The following ABCB5 variants were observed in gnomAD, a reference collection of about 807,000 sequenced individuals.
ABCB5 encodes the protein ATP binding cassette subfamily B member 5, also known as ATP-binding cassette sub-family B member 5.
ABCB5 carries 155 observed loss-of-function variants against 144.2 expected under a neutral mutation model. The observed-to-expected ratio is 1.08, with a 90% CI of 0.94 to 1.23. ABCB5 has a LOEUF of 1.23. Ranked by LOEUF, ABCB5 falls within the 50% of genes most tolerant of loss-of-function variation. The pLI, the probability that ABCB5 is intolerant of heterozygous loss-of-function variation, is 0.00. For synonymous variants in ABCB5, 610 were observed against 528.6 expected, an observed-to-expected ratio of 1.15 and a Z score of -2.11; for missense variants, 1,830 against 1,520.8, an observed-to-expected ratio of 1.20 and a Z score of -3.38.
chr7:20,752,776 G>A (rs1377813429), intron 26 of ABCB5, among the ~76,000 whole-genome samples: 3 of 152,192 alleles, frequency 2.0e-5, no homozygotes, highest in African/African-American at 7.2e-5. Context: ...AAGCCGGGAG[G>A]CGGAGGTTGC....
chr7:20,667,642 T>C, intron 14 of ABCB5: 1 of 820,964 alleles, frequency 1.2e-6, no homozygotes, highest in Non-Finnish European at 1.5e-6. Flanking sequence ...TTGAGATCTG[T>C]TTGCTTTTGG....
At chr7:20,660,342 T>TC in intron 14 of ABCB5, 1 of 985,400 alleles carries the variant, frequency 1.0e-6, no homozygotes, top group Non-Finnish European at 1.2e-6. Context: ...TCATTTACTG[T>TC]CCCTGTTTTT....
At chr7:20,705,150 A>G (rs114778961) in intron 20 of ABCB5, among the ~76,000 whole-genome samples, 367 of 152,370 alleles carry the variant, frequency 2.4e-3, no homozygotes, top group African/African-American at 8.3e-3. Context: ...GAGTTTTAAT[A>G]TAAGAAAAAG....
chr7:20,731,778 A>C (rs1442093806), intron 23 of ABCB5, among the ~76,000 whole-genome samples: 1 of 152,118 alleles, frequency 6.6e-6, no homozygotes, highest in Non-Finnish European at 1.5e-5. Context: ...GCCATTGTCC[A>C]CCACATAAAT....
intron 21 of ABCB5, among the ~76,000 whole-genome samples, chr7:20,725,113 C>T (rs1781994304): frequency 6.6e-6 from 1 of 152,162 alleles, no homozygotes; most frequent in Non-Finnish European, 1.5e-5. Flanking sequence ...TTAGAGCAAC[C>T]TCAGACTATA....
At chr7:20,631,539 T>C (rs558947491) in intron 4 of ABCB5, among the ~76,000 whole-genome samples, 94 of 152,304 alleles carry the variant, frequency 6.2e-4, no homozygotes, top group African/African-American at 2.2e-3. Context: ...TTTTTTCTAC[T>C]AGAAGATATA....
At chr7:20,704,888 T>C (rs1786768702) in intron 20 of ABCB5, 81 bp downstream of exon 20, 1 of 1,181,924 alleles carries the variant, frequency 8.5e-7, no homozygotes, top group Non-Finnish European at 1.2e-6. Context: ...TGTGCATATA[T>C]GTGAGCTGTG....
chr7:20,619,343 G>A (rs111262461), intron 1 of ABCB5, among the ~76,000 whole-genome samples: 3,504 of 152,182 alleles, frequency 0.023, 59 homozygotes, highest in Middle Eastern at 0.037. Context: ...AGCCTTGCCA[G>A]TATCTGTTAT....
At chr7:20,637,829 C>A (rs1008216776) in intron 5 of ABCB5, among the ~76,000 whole-genome samples, 3 of 152,172 alleles carry the variant, frequency 2.0e-5, no homozygotes, top group Non-Finnish European at 4.4e-5. Flanking sequence ...ACTAGACAGC[C>A]AACTCCGTGT....
At chr7:20,628,925 T>C (rs1020991090) in intron 4 of ABCB5, 87 bp downstream of exon 4, 114 of 1,430,284 alleles carry the variant, frequency 8.0e-5, no homozygotes, top group Admixed American at 1.4e-4. Context: ...AGGCAGATTA[T>C]TGTATTGTAA....
chr7:20,633,795 G>C (rs1234534366), intron 5 of ABCB5, among the ~76,000 whole-genome samples: 1 of 151,942 alleles, frequency 6.6e-6, no homozygotes, highest in East Asian at 1.9e-4. Flanking sequence ...CCAGTCTCTA[G>C]TATCCTCTGT....
chr7:20,699,789 C>T, intron 17 of ABCB5, 36 bp from the exon 18 acceptor site: 1 of 1,369,256 alleles, frequency 7.3e-7, no homozygotes, highest in Non-Finnish European at 1.0e-6. Context: ...TTTATATTTT[C>T]CCCCAAACAC....
chr7:20,669,318 G>A (rs1249787364), intron 14 of ABCB5, among the ~76,000 whole-genome samples: 5 of 147,574 alleles, frequency 3.4e-5, no homozygotes, highest in African/African-American at 7.7e-5. Flanking sequence ...TTGAGAAATC[G>A]GATGGTTGCC....
intron 19 of ABCB5, among the ~76,000 whole-genome samples, 163 bp from the exon 20 acceptor site, chr7:20,704,561 T>C (rs906854231): frequency 6.6e-6 from 1 of 152,088 alleles, no homozygotes; most frequent in African/African-American, 2.4e-5. Flanking sequence ...TAGATCTTCA[T>C]GAAAAAATAA....
At chr7:20,632,589 T>A (rs1693653265) in intron 5 of ABCB5, among the ~76,000 whole-genome samples, 1 of 152,018 alleles carries the variant, frequency 6.6e-6, no homozygotes. Flanking sequence ...CTATTCACAA[T>A]AGCAAAGACT....
intron 14 of ABCB5, chr7:20,659,336 C>G: frequency 7.3e-7 from 1 of 1,371,738 alleles, no homozygotes; most frequent in Non-Finnish European, 9.4e-7. Context: ...AGCCTTCAGA[C>G]CCCTTACAAG....
intron 20 of ABCB5, among the ~76,000 whole-genome samples, chr7:20,714,810 A>G (rs1482236801): frequency 6.6e-6 from 1 of 152,208 alleles, no homozygotes; most frequent in East Asian, 1.9e-4. Context: ...AAAAAACTCA[A>G]ATAGAGAAGC....
chr7:20,738,931 G>C lies in ABCB5; in HGVS notation c.2868-52G>C, dbSNP rs371991062. 1.6e-5 allele frequency: 24 copies of C among 1,515,894 alleles called. No homozygotes were observed. In the African/African-American group the frequency reaches 3.0e-4, roughly 19 times the overall value. 93.9% of individuals were successfully genotyped at this position (1,515,894 alleles called of 1,614,324 possible). On this transcript the variant is annotated intron_variant, in intron 23 of 27. Transcript: ENST00000404938. ...TTTTCTTTACTTTTAGAGTTCTACT[G>C]TTTTACAAAGGATCGATGGACCTAA...
Position 20,743,001 on chromosome 7 carries a change from G to A in ABCB5, c.3149G>A (p.Gly1050Glu). The A allele has an allele frequency of 1.2e-6, 2 of 1,614,126 alleles. No homozygotes were observed. The highest frequency in any genetic ancestry group is 1.7e-6 in the Non-Finnish European group (2 of 1,180,026). ...CGAGGAAAGACAGTAGCATTTGTGG[G>A]GAGCAGCGGCTGTGGGAAAAGCACT... ...IERGKTVAFV[G>E]SSGCGKSTSV... The change falls in exon 25 of 28, where the codon GGG becomes GAG. Residue 1050 changes from glycine (G) to glutamate (E), a missense_variant. Physicochemically the swap from Gly to Glu is moderately conservative, Grantham distance 98. Transcript: ENST00000404938.
Sources: allele counts gnomAD v4.1 joint callset (sites outside exome capture counted in the v4.1 genomes callset), GRCh38; gene constraint gnomAD v4.1.1; transcripts MANE v1.5; gene names NCBI Gene and HGNC (gene_info 2026-07-23, HGNC 2026-07-21).